WDFY3: variants seen among roughly 807,000 people sequenced by gnomAD.
WDFY3 encodes WD repeat and FYVE domain containing 3, also known as WD repeat and FYVE domain-containing protein 3.
In WDFY3, 66 loss-of-function variants were observed where a neutral mutation model predicts 409.6. The observed-to-expected ratio is 0.16, with a 90% CI of 0.13 to 0.20. The LOEUF (loss-of-function observed/expected upper bound fraction) is 0.20, where lower values mean the gene tolerates loss of function less well. Among genes scored for constraint, WDFY3 ranks in the 10% least tolerant of loss-of-function variants. The pLI is 1.00. For synonymous variants in WDFY3, 1,521 were observed against 1,537.1 expected (o/e 0.99, Z 0.25); for missense variants, 3,031 against 4,298.1 (o/e 0.71, Z 8.24).
At chr4:84,913,398 A>G (rs1459496417) in intron 2 of WDFY3, among the ~76,000 whole-genome samples, 1 of 152,232 alleles carries the variant, frequency 6.6e-6, no homozygotes, top group Non-Finnish European at 1.5e-5. Context: ...CGTAAGATGT[A>G]TGATAGAGCT....
At chr4:84,945,038 C>T (rs1404180674) in intron 1 of WDFY3, among the ~76,000 whole-genome samples, 2 of 152,126 alleles carry the variant, frequency 1.3e-5, no homozygotes, top group South Asian at 2.1e-4. Flanking sequence ...AACAGGGTCA[C>T]AGCCTAAAAA....
chr4:84,870,581 T>G (rs765829181), intron 3 of WDFY3, among the ~76,000 whole-genome samples: 13 of 151,712 alleles, frequency 8.6e-5, no homozygotes, highest in Non-Finnish European at 1.5e-4. Flanking sequence ...AGGGGAAGAG[T>G]GAGTAATCAC....
intron 13 of WDFY3, among the ~76,000 whole-genome samples, chr4:84,813,000 T>C (rs577982515): frequency 4.1e-4 from 62 of 152,288 alleles, no homozygotes; most frequent in African/African-American, 1.5e-3. Flanking sequence ...ATACAATTCA[T>C]ACAATTCAAA....
intron 2 of WDFY3, among the ~76,000 whole-genome samples, chr4:84,929,325 G>C (rs1415346414): frequency 2.0e-5 from 3 of 152,106 alleles, no homozygotes; most frequent in African/African-American, 7.2e-5. Context: ...AGATATGTTA[G>C]GTGCAGCTTT....
At position 84,796,027 on chromosome 4, in the gene WDFY3, C is replaced by G. The variant is rs572994404; in HGVS notation, c.3167+494G>C. Reference sequence around the variant, plus strand: ...ATGATGATAAAACCCAAAGAGTTTTCAATCTAATTTTAATTTATATATTAT... The same window carrying G: ...ATGATGATAAAACCCAAAGAGTTTTGAATCTAATTTTAATTTATATATTAT... On this transcript the variant is annotated intron_variant, in intron 19 of 67. Coordinates refer to ENST00000295888, the MANE Select transcript of WDFY3 (RefSeq NM_014991.6). Among the ~76,000 whole-genome samples, 48 of 151,770 alleles carry G rather than the reference C, an allele frequency of 3.2e-4. No individual in the cohort carries two copies. The South Asian group carries it at 5.4e-3, about 17-fold the overall frequency.
At chr4:84,674,419 A>T (rs1336349099) in intron 67 of WDFY3, among the ~76,000 whole-genome samples, 1 of 151,862 alleles carries the variant, frequency 6.6e-6, no homozygotes, top group African/African-American at 2.4e-5. Context: ...AAAATACAAA[A>T]ATTAGCCAGG....
chr4:84,677,616 T>G (rs569002790), intron 66 of WDFY3, among the ~76,000 whole-genome samples: 5 of 152,212 alleles, frequency 3.3e-5, no homozygotes, highest in Non-Finnish European at 7.3e-5. Flanking sequence ...TCACCCTTGC[T>G]GTATCTTTGA....
chr4:84,740,963 A>G (rs1429820487), intron 38 of WDFY3, among the ~76,000 whole-genome samples: 1 of 152,222 alleles, frequency 6.6e-6, no homozygotes, highest in Non-Finnish European at 1.5e-5. Context: ...CTTACTTTCT[A>G]CATTAAGTAT....
intron 24 of WDFY3, 132 bp from the exon 25 acceptor site, chr4:84,783,206 C>T: frequency 1.2e-6 from 1 of 805,310 alleles, no homozygotes; most frequent in East Asian, 2.7e-5. Context: ...GAAAAACGAG[C>T]ATTTAGGTCC....
intron 44 of WDFY3, 96 bp downstream of exon 44, chr4:84,733,286 C>T (rs1736908596): frequency 1.5e-6 from 2 of 1,328,660 alleles, no homozygotes; most frequent in South Asian, 1.4e-5. Context: ...TTAAAATTAG[C>T]TATTTGAGGT....
At chr4:84,796,339 A>G (rs1159730431) in intron 19 of WDFY3, among the ~76,000 whole-genome samples, 182 bp downstream of exon 19, 1 of 152,172 alleles carries the variant, frequency 6.6e-6, no homozygotes, top group African/African-American at 2.4e-5. Context: ...ATTTTGTATA[A>G]CAAACAAAAA....
chr4:84,858,560 GA>G (rs929272634), intron 4 of WDFY3, among the ~76,000 whole-genome samples: 1 of 152,076 alleles, frequency 6.6e-6, no homozygotes, highest in Non-Finnish European at 1.5e-5. Flanking sequence ...ATAAGATATA[GA>G]GGAGAATATT....
chr4:84,756,818 T>G, intron 33 of WDFY3, 108 bp downstream of exon 33: 1 of 1,244,598 alleles, frequency 8.0e-7, no homozygotes, highest in South Asian at 1.5e-5. Context: ...ACCTTAAATG[T>G]GGGGAAAGTG....
chr4:84,769,144 G>C (rs1460460963), intron 30 of WDFY3, among the ~76,000 whole-genome samples: 1 of 152,196 alleles, frequency 6.6e-6, no homozygotes, highest in African/African-American at 2.4e-5. Context: ...GCTTCTTACA[G>C]ATGAACAAGA....
intron 5 of WDFY3, chr4:84,844,459 A>G: frequency 7.8e-7 from 1 of 1,289,610 alleles, no homozygotes; most frequent in Non-Finnish European, 1.0e-6. Context: ...AAATTACCTG[A>G]AGGTGTTGTG....
At chr4:84,865,903 C>A (rs1270514316) in intron 3 of WDFY3, among the ~76,000 whole-genome samples, 1 of 152,082 alleles carries the variant, frequency 6.6e-6, no homozygotes. Context: ...AACCCCATCT[C>A]TACAAAAAAT....
At chr4:84,793,574 A>G (rs1191313753) in intron 21 of WDFY3, among the ~76,000 whole-genome samples, 2 of 152,234 alleles carry the variant, frequency 1.3e-5, no homozygotes, top group Admixed American at 6.5e-5. Context: ...GATAGAAGAG[A>G]AAGCGATTGA....
intron 13 of WDFY3, among the ~76,000 whole-genome samples, chr4:84,812,661 TA>T (rs1752693776): frequency 6.6e-6 from 1 of 152,118 alleles, no homozygotes; most frequent in Non-Finnish European, 1.5e-5. Context: ...AGTTCAAAGT[TA>T]AAGTAACATG....
At chr4:84,755,425 A>G in intron 33 of WDFY3, 25 bp from the exon 34 acceptor site, 2 of 1,579,776 alleles carry the variant, frequency 1.3e-6, no homozygotes, top group Non-Finnish European at 8.5e-7. Context: ...GGGAGCAAAT[A>G]TTAGCCACCA....
Sources: allele counts gnomAD v4.1 joint callset (sites outside exome capture counted in the v4.1 genomes callset), GRCh38; gene constraint gnomAD v4.1.1; transcripts MANE v1.5; gene names NCBI Gene and HGNC (gene_info 2026-07-23, HGNC 2026-07-21).